RPTOR: variants seen among roughly 807,000 people sequenced by gnomAD.
RPTOR encodes regulatory-associated protein of mTOR.
A neutral mutation model predicts 169.9 loss-of-function variants in RPTOR; 21 were observed. The ratio of observed to expected loss-of-function variants is 0.12; its 90% CI spans 0.09 to 0.18. The LOEUF is 0.18. Among genes scored for constraint, RPTOR ranks in the 10% least tolerant of loss-of-function variants. RPTOR has a pLI of 1.00. For synonymous variants in RPTOR, 732 were observed against 753.2 expected, an observed-to-expected ratio of 0.97 and a Z score of 0.46; for missense variants, 1,133 against 1,855.9, an observed-to-expected ratio of 0.61 and a Z score of 7.16.
chr17:80,870,029 T>C (rs2068035580), intron 13 of RPTOR, among the ~76,000 whole-genome samples: 1 of 152,208 alleles, frequency 6.6e-6, no homozygotes, highest in South Asian at 2.1e-4. Flanking sequence ...CATTTGTGTA[T>C]CTGCTAATTA....
chr17:80,684,117 C>T (rs548518401), intron 3 of RPTOR, among the ~76,000 whole-genome samples: 1 of 152,236 alleles, frequency 6.6e-6, no homozygotes, highest in South Asian at 2.1e-4. Context: ...GTGTAGATGC[C>T]ATGGTCAGAG....
In RPTOR at chr17:80,883,940, C is replaced by T; in HGVS notation, c.1810C>T (p.Leu604Phe). ...CGVRDSAHEK[L>F]YSLLSDPIPE... ...CGTGAGGGACAGCGCTCATGAGAAG[C>T]TCTACAGCCTCCTCTCCGACCCCAT... The change falls in exon 16 of 34, where the codon CTC (leucine) becomes TTC (phenylalanine). Residue 604 changes from leucine (L) to phenylalanine (F), a missense_variant. By Grantham distance (22) the Leu-to-Phe change is conservative. Around this residue, in one of 9 missense-constraint regions of RPTOR, gnomAD observed 289 missense variants for 585.8 expected, o/e 0.49. Transcript: ENST00000306801. The T allele has an allele frequency of 1.9e-6, 3 of 1,612,896 alleles. No individual in the cohort carries two copies. Among genetic ancestry groups the T allele is most frequent in the Non-Finnish European group, 2.5e-6 (3 of 1,179,676 alleles).
intron 16 of RPTOR, 139 bp from the exon 17 acceptor site, chr17:80,884,869 G>A (rs2068226542): frequency 4.3e-6 from 5 of 1,171,810 alleles, no homozygotes; most frequent in South Asian, 3.2e-5. Context: ...CTGATAGTGC[G>A]AGGAGAGCCT....
At chr17:80,704,321 G>A (rs1252736395) in intron 3 of RPTOR, among the ~76,000 whole-genome samples, 4 of 152,188 alleles carry the variant, frequency 2.6e-5, no homozygotes, top group Non-Finnish European at 5.9e-5. Flanking sequence ...TTGGTGTGTT[G>A]TATGGGATCA....
At chr17:80,918,521 G>GC (rs1378658677) in intron 21 of RPTOR, among the ~76,000 whole-genome samples, 1 of 133,492 alleles carries the variant, frequency 7.5e-6, no homozygotes, top group African/African-American at 2.8e-5. Context: ...GAGCACCCTC[G>GC]CGGGGGTCAT....
At chr17:80,550,833 G>A (rs528225060) in intron 1 of RPTOR, among the ~76,000 whole-genome samples, 2 of 152,258 alleles carry the variant, frequency 1.3e-5, no homozygotes, top group South Asian at 2.1e-4. Flanking sequence ...TGTCCTGACT[G>A]GTCTCCCTAT....
At chr17:80,792,749 C>T (rs1024852592) in intron 7 of RPTOR, among the ~76,000 whole-genome samples, 8 of 152,050 alleles carry the variant, frequency 5.3e-5, no homozygotes, top group Admixed American at 4.6e-4. Flanking sequence ...GGTTCCCTGA[C>T]GAGACTGCAG....
rs144131317 is a variant in RPTOR at position 80,768,991 on chromosome 17, T to C, written c.830+14806T>C. Among the ~76,000 whole-genome samples, 369 of 152,320 alleles carry C rather than the reference T, an allele frequency of 2.4e-3. 6 individuals carry two copies. The highest frequency in any genetic ancestry group is 8.4e-3 in the African/African-American group (350 of 41,564). On this transcript the variant is annotated intron_variant, in intron 6 of 33. Transcript: ENST00000306801. ...ACTGGACAGTATATTGCGGAAGCCA[T>C]TTTCATCCTCATTTTACTTGTGCTG...
chr17:80,884,746 T>C (rs974313163), intron 16 of RPTOR, among the ~76,000 whole-genome samples: 1 of 152,126 alleles, frequency 6.6e-6, no homozygotes, highest in Non-Finnish European at 1.5e-5. Flanking sequence ...CCCTGGTGCC[T>C]GGTTTGGTGT....
At chr17:80,833,713 G>C (rs2067532665) in intron 9 of RPTOR, among the ~76,000 whole-genome samples, 1 of 152,220 alleles carries the variant, frequency 6.6e-6, no homozygotes, top group African/African-American at 2.4e-5. Flanking sequence ...GTGCAGGCCG[G>C]GTGCAATGGC....
intron 7 of RPTOR, among the ~76,000 whole-genome samples, chr17:80,794,527 C>G (rs912010466): frequency 1.5e-4 from 23 of 152,184 alleles, no homozygotes; most frequent in African/African-American, 5.1e-4. Context: ...TGTCCATAAA[C>G]CTGCCAACAT....
At chr17:80,912,098 G>C (rs1262133217) in intron 21 of RPTOR, among the ~76,000 whole-genome samples, 2 of 152,216 alleles carry the variant, frequency 1.3e-5, no homozygotes, top group Non-Finnish European at 2.9e-5. Context: ...TTTAGTTTAA[G>C]ATTTCAAGGT....
intron 5 of RPTOR, among the ~76,000 whole-genome samples, chr17:80,734,237 G>C (rs2066416363): frequency 6.6e-6 from 1 of 152,160 alleles, no homozygotes. Context: ...TCCACAAGGA[G>C]AGCGGAGAGC....
At chr17:80,621,413 G>A (rs2065353236) in intron 1 of RPTOR, among the ~76,000 whole-genome samples, 1 of 152,238 alleles carries the variant, frequency 6.6e-6, no homozygotes, top group Non-Finnish European at 1.5e-5. Context: ...TGACAGCCGA[G>A]GTAGCAGAAA....
intron 1 of RPTOR, among the ~76,000 whole-genome samples, chr17:80,619,962 G>A (rs375498892): frequency 6.6e-6 from 1 of 152,052 alleles, no homozygotes; most frequent in East Asian, 1.9e-4. Context: ...TCTTTGAGCC[G>A]GGGCACAGGA....
chr17:80,619,375 G>A (rs1309792224), intron 1 of RPTOR, among the ~76,000 whole-genome samples: 1 of 152,180 alleles, frequency 6.6e-6, no homozygotes, highest in Non-Finnish European at 1.5e-5. Context: ...AAGCTTGTTT[G>A]TGCCACCTGA....
rs1251227372 is a variant in RPTOR at position 80,744,366 on chromosome 17, GTTA to G, written c.655-9643_655-9641del. ...AGCCCTGGCTACTAGCACTGTCCTG[GTTA>G]CGAGCACAGCCCTGGTTACGAGCAC... On this transcript the variant is annotated intron_variant, in intron 5 of 33. Coordinates refer to ENST00000306801, the MANE Select transcript of RPTOR (RefSeq NM_020761.3). Among the ~76,000 whole-genome samples, 87 of 118,598 alleles carry G rather than the reference GTTA, an allele frequency of 7.3e-4. 4 individuals carry two copies. Among genetic ancestry groups the G allele is most frequent in the Non-Finnish European group, 1.1e-3 (63 of 56,956 alleles). The allele number at this position is 118,598 out of a possible 152,430, so 77.8% of individuals were successfully genotyped here.
intron 1 of RPTOR, among the ~76,000 whole-genome samples, chr17:80,614,643 T>C (rs2065295502): frequency 6.6e-6 from 1 of 152,242 alleles, no homozygotes. Context: ...CAATTAGAAT[T>C]GCAAGAATGT....
intron 3 of RPTOR, among the ~76,000 whole-genome samples, chr17:80,701,152 A>G (rs1410909280): frequency 6.6e-6 from 1 of 152,080 alleles, no homozygotes; most frequent in African/African-American, 2.4e-5. Context: ...GCACTGGACA[A>G]TTCCTCTCTG....
Sources: gnomAD v4.1 joint callset for allele counts (sites outside exome capture counted in the v4.1 genomes callset) on GRCh38, gnomAD v4.1.1 for gene constraint, gnomAD v4.1.1 regional missense constraint, MANE v1.5 for transcripts, NCBI Gene and HGNC (gene_info 2026-07-23, HGNC 2026-07-21) for gene names.